The following PLCB1 variants were observed in gnomAD, a reference collection of about 807,000 sequenced individuals.
PLCB1 encodes the protein phospholipase C beta 1.
PLCB1 carries 46 observed loss-of-function variants against 161.8 expected under a neutral mutation model. The ratio of observed to expected loss-of-function variants is 0.28; its 90% CI spans 0.22 to 0.36. The LOEUF is 0.36. Among genes scored for constraint, PLCB1 ranks in the 10% least tolerant of loss-of-function variants. The pLI, the probability that PLCB1 is intolerant of heterozygous loss-of-function variation, is 1.00. For missense variants in PLCB1, 1,016 were observed against 1,472.5 expected, an observed-to-expected ratio of 0.69 and a Z score of 5.07; for synonymous variants, 517 against 503.7, an observed-to-expected ratio of 1.03 and a Z score of -0.35.
chr20:8,271,110 T>A (rs948012317), intron 2 of PLCB1, among the ~76,000 whole-genome samples: 1 of 152,152 alleles, frequency 6.6e-6, no homozygotes, highest in African/African-American at 2.4e-5. Context: ...TGTTTGCTAT[T>A]TTAAATTTTT....
chr20:8,235,446 A>G (rs915606086), intron 2 of PLCB1, among the ~76,000 whole-genome samples: 1 of 152,132 alleles, frequency 6.6e-6, no homozygotes, highest in Non-Finnish European at 1.5e-5. Flanking sequence ...GGAAAGCCAC[A>G]TGATCATACT....
chr20:8,662,899 A>C (rs1989720974), intron 9 of PLCB1, among the ~76,000 whole-genome samples: 1 of 151,966 alleles, frequency 6.6e-6, no homozygotes, highest in Admixed American at 6.6e-5. Context: ...AGACTTTAAA[A>C]CTTTAAACTT....
chr20:8,487,900 CA>C (rs1200704602), intron 3 of PLCB1, among the ~76,000 whole-genome samples: 1 of 152,120 alleles, frequency 6.6e-6, no homozygotes, highest in Non-Finnish European at 1.5e-5. Flanking sequence ...GCATTCCTCC[CA>C]GGGGTGGCAC....
chr20:8,454,083 C>T (rs577426364), intron 3 of PLCB1, among the ~76,000 whole-genome samples: 56 of 152,240 alleles, frequency 3.7e-4, no homozygotes, highest in African/African-American at 1.3e-3. Context: ...AGTAACCACC[C>T]CTGAAGGCAC....
At chr20:8,558,811 A>G (rs186085337) in intron 3 of PLCB1, among the ~76,000 whole-genome samples, 1 of 151,948 alleles carries the variant, frequency 6.6e-6, no homozygotes, top group Non-Finnish European at 1.5e-5. Context: ...AGGAAAAAAC[A>G]ACCTGTCAAC....
intron 5 of PLCB1, among the ~76,000 whole-genome samples, chr20:8,646,805 A>T (rs1198782463): frequency 6.6e-6 from 1 of 152,228 alleles, no homozygotes; most frequent in South Asian, 2.1e-4. Flanking sequence ...GAAAATAATG[A>T]CTTAGGCAAG....
intron 2 of PLCB1, among the ~76,000 whole-genome samples, chr20:8,248,352 A>C (rs1980983384): frequency 1.3e-5 from 2 of 151,874 alleles, no homozygotes; most frequent in African/African-American, 2.4e-5. Context: ...GCAGTAGCAA[A>C]AGAGAAATTT....
At position 8,724,764 on chromosome 20, in the gene PLCB1, C is replaced by T. The variant is rs1453317051; in HGVS notation, c.1678+12C>T. On this transcript the variant is annotated intron_variant, in intron 16 of 31. Coordinates refer to ENST00000338037, the MANE Select transcript of PLCB1 (RefSeq NM_015192.4). ...TGAAATTTCAAAAAGTAAGTTTTCCCTGGAGAAAAACCCCTCTTGCAGCAT... is the reference window on the plus strand; with the variant it reads ...TGAAATTTCAAAAAGTAAGTTTTCCTTGGAGAAAAACCCCTCTTGCAGCAT... The T allele has an allele frequency of 6.8e-7, 1 of 1,476,988 alleles. No individual in the cohort carries two copies. The highest frequency in any genetic ancestry group is 1.1e-5 in the South Asian group (1 of 87,608). The allele number at this position is 1,476,988 out of a possible 1,614,324, so 91.5% of individuals were successfully genotyped here.
intron 3 of PLCB1, chr20:8,371,685 A>T: frequency 2.5e-6 from 1 of 392,846 alleles, no homozygotes. Flanking sequence ...TTTGTTTGAA[A>T]AAAAAAGACA....
intron 2 of PLCB1, among the ~76,000 whole-genome samples, chr20:8,235,815 T>C (rs1418778186): frequency 6.6e-6 from 1 of 152,050 alleles, no homozygotes; most frequent in Non-Finnish European, 1.5e-5. Context: ...TTATGTCCAG[T>C]AATCAAAAGT....
intron 10 of PLCB1, among the ~76,000 whole-genome samples, chr20:8,696,540 G>A (rs1990589553): frequency 6.6e-6 from 1 of 152,062 alleles, no homozygotes; most frequent in Non-Finnish European, 1.5e-5. Context: ...AAAAAATCCT[G>A]GTGAGATTTT....
intron 31 of PLCB1, among the ~76,000 whole-genome samples, chr20:8,821,832 G>A (rs946465197): frequency 6.6e-6 from 1 of 151,480 alleles, no homozygotes; most frequent in Admixed American, 6.6e-5. Flanking sequence ...CTCTCCACCC[G>A]CCCCCTCGCA....
chr20:8,312,789 G>A (rs1984464407), intron 2 of PLCB1, among the ~76,000 whole-genome samples: 1 of 151,972 alleles, frequency 6.6e-6, no homozygotes, highest in Admixed American at 6.6e-5. Flanking sequence ...GAATATGCCA[G>A]AGACTTTGTA....
intron 3 of PLCB1, among the ~76,000 whole-genome samples, chr20:8,455,515 A>G (rs568545455): frequency 7.8e-6 from 1 of 128,430 alleles, no homozygotes; most frequent in Non-Finnish European, 1.5e-5. Context: ...ATCTCGGCTC[A>G]CTGCAAGCTC....
intron 27 of PLCB1, among the ~76,000 whole-genome samples, chr20:8,781,417 A>AACACAC (rs745610188): frequency 1.1e-4 from 3 of 28,068 alleles, no homozygotes; most frequent in African/African-American, 1.8e-4. Flanking sequence ...CACACACACA[A>AACACAC]ACACACACAC....
At chr20:8,327,894 TTATA>T (rs71862056) in intron 2 of PLCB1, among the ~76,000 whole-genome samples, 1 of 150,784 alleles carries the variant, frequency 6.6e-6, no homozygotes, top group Non-Finnish European at 1.5e-5. Context: ...ATATGTATAG[TTATA>T]TATATATATA....
intron 3 of PLCB1, among the ~76,000 whole-genome samples, chr20:8,471,146 C>G (rs935548802): frequency 1.3e-5 from 2 of 152,100 alleles, no homozygotes; most frequent in African/African-American, 4.8e-5. Flanking sequence ...CACCATTTTC[C>G]AAATTGTTCC....
intron 31 of PLCB1, among the ~76,000 whole-genome samples, chr20:8,818,796 C>G (rs1356813703): frequency 6.6e-6 from 1 of 151,924 alleles, no homozygotes; most frequent in Non-Finnish European, 1.5e-5. Flanking sequence ...CAAAAATTAG[C>G]TGGGTGTGGT....
chr20:8,658,469 T>A, intron 8 of PLCB1, 69 bp from the exon 9 acceptor site: 1 of 1,201,530 alleles, frequency 8.3e-7, no homozygotes, highest in South Asian at 1.5e-5. Context: ...TTCCCTAGAG[T>A]TAAATGCAAA....
Sources: gnomAD v4.1 joint callset for allele counts (sites outside exome capture counted in the v4.1 genomes callset) on GRCh38, gnomAD v4.1.1 for gene constraint, MANE v1.5 for transcripts, NCBI Gene and HGNC (gene_info 2026-07-23, HGNC 2026-07-21) for gene names.